Variants in DPP10 observed in about 807,000 individuals in gnomAD.
DPP10 encodes inactive dipeptidyl peptidase 10.
Under a neutral mutation model 120.9 loss-of-function variants are expected in DPP10, and 33 were observed. The observed-to-expected ratio is 0.27, with a 90% CI of 0.21 to 0.37. DPP10 has a LOEUF of 0.37. DPP10 is among the 10% of genes least tolerant of loss of function. The pLI, the probability that DPP10 is intolerant of heterozygous loss-of-function variation, is 1.00. For synonymous variants in DPP10, 337 were observed against 326.1 expected (o/e 1.03, Z -0.36); for missense variants, 816 against 942.8 (o/e 0.87, Z 1.76).
intron 3 of DPP10, among the ~76,000 whole-genome samples, chr2:115,476,307 C>T (rs565657208): frequency 1.1e-3 from 172 of 152,148 alleles, no homozygotes; most frequent in Non-Finnish European, 1.3e-3. Context: ...TTCCCTCATT[C>T]TGCAGCCGTG....
At chr2:115,558,974 T>C (rs1056807576) in intron 5 of DPP10, among the ~76,000 whole-genome samples, 1 of 152,176 alleles carries the variant, frequency 6.6e-6, no homozygotes, top group African/African-American at 2.4e-5. Context: ...AGTGAGCTAG[T>C]TTAGTTGATC....
chr2:114,852,016 T>C (rs967527963), intron 1 of DPP10, among the ~76,000 whole-genome samples: 14 of 152,090 alleles, frequency 9.2e-5, no homozygotes, highest in Admixed American at 6.6e-4. Context: ...CTCATAACCA[T>C]GGTGTATAGA....
At chr2:114,523,003 A>G (rs1558841495) in intron 1 of DPP10, among the ~76,000 whole-genome samples, 1 of 152,226 alleles carries the variant, frequency 6.6e-6, no homozygotes, top group African/African-American at 2.4e-5. Context: ...GAGTAGGCAC[A>G]TGCAGCCAAA....
intron 1 of DPP10, among the ~76,000 whole-genome samples, chr2:114,882,125 A>G (rs189739999): frequency 9.7e-5 from 12 of 124,078 alleles, no homozygotes; most frequent in African/African-American, 3.5e-4. Context: ...AAATAATAAA[A>G]TGAATGCCAT....
intron 1 of DPP10, among the ~76,000 whole-genome samples, chr2:115,188,127 TTCAAGAA>T (rs1356361943): frequency 6.6e-6 from 1 of 151,622 alleles, no homozygotes; most frequent in Non-Finnish European, 1.5e-5. Context: ...AGAAGTAAGT[TTCAAGAA>T]TTTTGCTGAT....
At chr2:115,356,072 G>A (rs983198459) in intron 3 of DPP10, among the ~76,000 whole-genome samples, 9 of 152,054 alleles carry the variant, frequency 5.9e-5, no homozygotes, top group African/African-American at 1.7e-4. Context: ...ATTTAAAGTC[G>A]TTTTTTCTTC....
At chr2:115,628,845 T>C (rs2085588535) in intron 5 of DPP10, among the ~76,000 whole-genome samples, 1 of 152,106 alleles carries the variant, frequency 6.6e-6, no homozygotes, top group Non-Finnish European at 1.5e-5. Flanking sequence ...CTTTAAGTTT[T>C]AGGGTACATG....
intron 5 of DPP10, among the ~76,000 whole-genome samples, chr2:115,549,420 T>C (rs901841635): frequency 9.2e-5 from 14 of 152,086 alleles, no homozygotes; most frequent in African/African-American, 3.4e-4. Context: ...TCTATCCAAC[T>C]TTTTCTATCC....
At chr2:115,827,318 C>CATGTATATGTATAT (rs144484979) in intron 21 of DPP10, among the ~76,000 whole-genome samples, 1 of 137,790 alleles carries the variant, frequency 7.3e-6, no homozygotes, top group Non-Finnish European at 1.5e-5. Context: ...TACACATGTA[C>CATGTATATGTATAT]ATGTATATGT....
intron 1 of DPP10, among the ~76,000 whole-genome samples, chr2:114,605,070 A>G (rs1274137579): frequency 6.6e-6 from 1 of 152,226 alleles, no homozygotes; most frequent in East Asian, 1.9e-4. Context: ...CAGTCCAAAT[A>G]CAGAAAGGCC....
intron 3 of DPP10, among the ~76,000 whole-genome samples, chr2:115,451,724 A>G (rs1341412393): frequency 1.3e-5 from 2 of 151,962 alleles, no homozygotes; most frequent in African/African-American, 2.4e-5. Context: ...TATCTTTCAA[A>G]TTTATGAATG....
chr2:114,732,129 C>T (rs1175708427), intron 1 of DPP10, among the ~76,000 whole-genome samples: 2 of 152,244 alleles, frequency 1.3e-5, no homozygotes, highest in Middle Eastern at 3.4e-3. Flanking sequence ...AAAATGAATG[C>T]CGAGGCAACA....
At chr2:114,494,101 C>CAAAAAAAAAAA (rs58552540) in intron 1 of DPP10, among the ~76,000 whole-genome samples, 8 of 77,190 alleles carry the variant, frequency 1.0e-4, no homozygotes, top group East Asian at 4.2e-4. Context: ...AGCAATAAGG[C>CAAAAAAAAAAA]AAAAAAAAAA....
intron 1 of DPP10, among the ~76,000 whole-genome samples, chr2:114,473,394 T>C (rs1043530088): frequency 1.3e-5 from 2 of 151,688 alleles, no homozygotes; most frequent in Admixed American, 6.6e-5. Flanking sequence ...AACTGCCTAA[T>C]ATTATGCTTC....
At chr2:115,171,006 CCT>C (rs756351313) in intron 1 of DPP10, among the ~76,000 whole-genome samples, 24 of 152,282 alleles carry the variant, frequency 1.6e-4, no homozygotes, top group Non-Finnish European at 3.4e-4. Flanking sequence ...GTTCCCTCCG[CCT>C]CTCTACATTT....
intron 1 of DPP10, among the ~76,000 whole-genome samples, chr2:114,531,046 G>A (rs956140785): frequency 5.9e-5 from 9 of 152,118 alleles, no homozygotes; most frequent in Non-Finnish European, 1.2e-4. Context: ...GACAAAGATG[G>A]TCCACAGGGG....
In DPP10 at chr2:114,953,293, G is replaced by A. The variant is rs373321537; in HGVS notation, c.61-355946G>A. Among the ~76,000 whole-genome samples the A allele has an allele frequency of 1.4e-4, 22 of 152,190 alleles. No individual in the cohort carries two copies. In the East Asian group the frequency reaches 1.5e-3, roughly 11 times the overall value. ...CCATAAGGCACTTAGTTAAAATTAC[G>A]TTAATAAAGTCTATCTTTTTTATTA... is the stretch of plus-strand genomic sequence containing the variant. On this transcript the variant is annotated intron_variant, in intron 1 of 25. Coordinates refer to ENST00000410059, the MANE Select transcript of DPP10 (RefSeq NM_020868.6).
At chr2:115,709,857 A>C (rs2092260708) in intron 7 of DPP10, among the ~76,000 whole-genome samples, 1 of 152,126 alleles carries the variant, frequency 6.6e-6, no homozygotes, top group African/African-American at 2.4e-5. Flanking sequence ...AGAATGGAGC[A>C]GGAAAAATAT....
chr2:114,573,921 C>T (rs1367723345), intron 1 of DPP10, among the ~76,000 whole-genome samples: 2 of 152,150 alleles, frequency 1.3e-5, no homozygotes, highest in Middle Eastern at 3.2e-3. Context: ...TTTGCTAGGA[C>T]ATCTCCACTT....
Sources: gnomAD v4.1 joint callset for allele counts (sites outside exome capture counted in the v4.1 genomes callset) on GRCh38, gnomAD v4.1.1 for gene constraint, MANE v1.5 for transcripts, NCBI Gene and HGNC (gene_info 2026-07-23, HGNC 2026-07-21) for gene names.